PARD3: variants seen among roughly 807,000 people sequenced by gnomAD.
The protein encoded by PARD3 is partitioning defective 3 homolog.
In PARD3, 75 loss-of-function variants were observed where a neutral mutation model predicts 155.4. The ratio of observed to expected loss-of-function variants is 0.48; its 90% CI spans 0.40 to 0.58. The LOEUF (loss-of-function observed/expected upper bound fraction) is 0.58. Among genes scored for constraint, PARD3 ranks in the 20% least tolerant of loss-of-function variants. PARD3 has a pLI of 0.00. For synonymous variants in PARD3, 576 were observed against 610.5 expected (o/e 0.94, Z 0.83); for missense variants, 1,642 against 1,721.7 (o/e 0.95, Z 0.82).
At chr10:34,237,642 T>C (rs926112203) in intron 22 of PARD3, among the ~76,000 whole-genome samples, 11 of 152,158 alleles carry the variant, frequency 7.2e-5, no homozygotes, top group African/African-American at 2.4e-4. Flanking sequence ...TATGAACATA[T>C]ACAAGTGAAT....
chr10:34,807,755 T>C (rs10827432), intron 1 of PARD3, among the ~76,000 whole-genome samples: 53,492 of 151,922 alleles, frequency 0.35, 10,551 homozygotes, highest in African/African-American at 0.55. Flanking sequence ...ATACAAAATA[T>C]ACTCTGTTTA....
At chr10:34,775,681 G>C (rs1839437545) in intron 1 of PARD3, among the ~76,000 whole-genome samples, 1 of 152,212 alleles carries the variant, frequency 6.6e-6, no homozygotes, top group Admixed American at 6.5e-5. Flanking sequence ...AAGCAAAGTA[G>C]ATGAAGTATT....
chr10:34,637,406 A>T (rs1405237929), intron 2 of PARD3, among the ~76,000 whole-genome samples: 2 of 152,232 alleles, frequency 1.3e-5, no homozygotes, highest in Non-Finnish European at 2.9e-5. Flanking sequence ...AACGTCCATT[A>T]ACGTGAGAGC....
intron 5 of PARD3, among the ~76,000 whole-genome samples, chr10:34,407,834 TA>T (rs920959393): frequency 1.2e-4 from 11 of 93,614 alleles, no homozygotes; most frequent in South Asian, 3.4e-4. Context: ...TCCTTATGCC[TA>T]AAAAAAAAAG....
At chr10:34,273,645 G>A (rs1006870132) in intron 21 of PARD3, among the ~76,000 whole-genome samples, 1 of 152,128 alleles carries the variant, frequency 6.6e-6, no homozygotes, top group Non-Finnish European at 1.5e-5. Flanking sequence ...TAACCACTGG[G>A]GGAAACTGGA....
chr10:34,542,233 G>GCGCA (rs139194029), intron 2 of PARD3, among the ~76,000 whole-genome samples: 3 of 8,442 alleles, frequency 3.6e-4, no homozygotes, highest in Non-Finnish European at 3.2e-3. Context: ...GTGTGTGTGT[G>GCGCA]TGTGTGCACA....
intron 1 of PARD3, among the ~76,000 whole-genome samples, chr10:34,706,076 C>T (rs1383747174): frequency 6.6e-6 from 1 of 152,180 alleles, no homozygotes; most frequent in East Asian, 1.9e-4. Flanking sequence ...AGGGAATGGC[C>T]TCAGACTACA....
chr10:34,387,619 G>A (rs1842478638), intron 7 of PARD3, among the ~76,000 whole-genome samples: 1 of 152,084 alleles, frequency 6.6e-6, no homozygotes, highest in Non-Finnish European at 1.5e-5. Context: ...TTCTTACTAT[G>A]TTGCCCAGGC....
intron 1 of PARD3, among the ~76,000 whole-genome samples, chr10:34,756,803 T>C (rs1836803199): frequency 2.6e-5 from 4 of 152,266 alleles, no homozygotes; most frequent in Admixed American, 2.6e-4. Flanking sequence ...ACCAATAAAA[T>C]AATCACAGTG....
chr10:34,336,179 GTCTAACTGTCCAT>G lies in PARD3; in HGVS notation c.2605+7_2605+19del, dbSNP rs1564599692. On this transcript the variant is annotated splice_region_variant and intron_variant, in intron 18 of 24. Coordinates refer to ENST00000374788, the MANE Select transcript of PARD3 (RefSeq NM_001184785.2). ...GTGGGCCATCGTTTCTATGGCAACA[GTCTAACTGTCCAT>G]TCTTACCTGCTTTCTGGTCATCCAC... The G allele has an allele frequency of 6.3e-7, 1 of 1,599,614 alleles. No homozygotes were observed.
intron 1 of PARD3, among the ~76,000 whole-genome samples, chr10:34,808,460 A>C (rs4934664): frequency 0.35 from 53,630 of 151,916 alleles, 10,602 homozygotes; most frequent in African/African-American, 0.55. Flanking sequence ...AACAGGTAAA[A>C]CTGTATACAT....
At chr10:34,254,205 C>T (rs770102288) in intron 22 of PARD3, among the ~76,000 whole-genome samples, 10 of 152,024 alleles carry the variant, frequency 6.6e-5, no homozygotes, top group Non-Finnish European at 1.0e-4. Context: ...CATGGCGAAA[C>T]CCTATCTCTA....
At chr10:34,538,828 C>T (rs185655491) in intron 2 of PARD3, among the ~76,000 whole-genome samples, 39 of 152,340 alleles carry the variant, frequency 2.6e-4, no homozygotes, top group African/African-American at 8.9e-4. Flanking sequence ...TGCTGAGTTT[C>T]TTCTCCTTCT....
intron 2 of PARD3, among the ~76,000 whole-genome samples, chr10:34,605,918 ATATATATATCTCC>A (rs2090347327): frequency 3.1e-5 from 3 of 96,136 alleles, no homozygotes; most frequent in African/African-American, 8.0e-5. Context: ...TATATCTCCT[ATATATATATCTCC>A]TATATATATA....
chr10:34,787,460 A>G (rs1253832763), intron 1 of PARD3, among the ~76,000 whole-genome samples: 2 of 152,216 alleles, frequency 1.3e-5, no homozygotes, highest in African/African-American at 4.8e-5. Context: ...GAAGTTACCC[A>G]CGTCCGTAAG....
At position 34,470,059 on chromosome 10, in the gene PARD3, A is replaced by G. The variant is rs370407654; in HGVS notation, c.582+26T>C. The G allele has an allele frequency of 2.3e-5, 36 of 1,558,576 alleles. No individual in the cohort carries two copies. In the African/African-American group the frequency reaches 4.5e-4, roughly 20 times the overall value. On this transcript the variant is annotated intron_variant, in intron 4 of 24. Transcript: ENST00000374788. ...CAAGAAGTCAGGAGGGGCAAGAGAC[A>G]GCAGCAAACAAGCAGAGGTGGTTAC...
At chr10:34,688,753 C>T (rs1057451205) in intron 2 of PARD3, among the ~76,000 whole-genome samples, 1 of 152,060 alleles carries the variant, frequency 6.6e-6, no homozygotes, top group African/African-American at 2.4e-5. Context: ...GTGCCCTGAA[C>T]GTTAATAATT....
chr10:34,331,670 T>A (rs1835632144), intron 18 of PARD3, among the ~76,000 whole-genome samples: 1 of 152,094 alleles, frequency 6.6e-6, no homozygotes, highest in Non-Finnish European at 1.5e-5. Context: ...CAGAATAACC[T>A]GGAAGCTCAT....
intron 2 of PARD3, among the ~76,000 whole-genome samples, chr10:34,665,362 CA>C (rs998562050): frequency 1.5e-4 from 10 of 64,528 alleles, no homozygotes; most frequent in South Asian, 6.1e-4. Context: ...AAAAAACAAA[CA>C]AAAAAAAATA....
Sources: gnomAD v4.1 joint callset for allele counts (sites outside exome capture counted in the v4.1 genomes callset) on GRCh38, gnomAD v4.1.1 for gene constraint, MANE v1.5 for transcripts, NCBI Gene and HGNC (gene_info 2026-07-23, HGNC 2026-07-21) for gene names.